Variants in DIAPH2 observed in about 807,000 individuals in gnomAD.
The protein encoded by DIAPH2 is diaphanous related formin 2.
In DIAPH2, 35 loss-of-function variants were observed where a neutral mutation model predicts 92.7. The ratio of observed to expected loss-of-function variants is 0.38; its 90% CI spans 0.29 to 0.50. The LOEUF is 0.50. Ranked by LOEUF, DIAPH2 falls within the 20% of genes least tolerant of loss-of-function variation. DIAPH2 has a pLI of 0.94. For synonymous variants in DIAPH2, 301 were observed against 280.4 expected, an observed-to-expected ratio of 1.07 and a Z score of -0.73; for missense variants, 701 against 819.5, an observed-to-expected ratio of 0.86 and a Z score of 1.77.
intron 26 of DIAPH2, among the ~76,000 whole-genome samples, chrX:97,450,341 A>G (rs763643658): frequency 8.9e-6 from 1 of 112,018 alleles, no homozygotes; most frequent in African/African-American, 3.2e-5. Flanking sequence ...ATAAATTACT[A>G]TGTATACAAT....
chrX:96,971,633 C>G (rs754354073), intron 17 of DIAPH2, among the ~76,000 whole-genome samples: 9 of 111,729 alleles, frequency 8.1e-5, no homozygotes, highest in Non-Finnish European at 1.1e-4. Flanking sequence ...TACAAAACCT[C>G]TCATGTATGT....
At chrX:96,769,107 G>GA (rs2064322146) in intron 4 of DIAPH2, among the ~76,000 whole-genome samples, 2 of 111,275 alleles carry the variant, frequency 1.8e-5, no homozygotes, top group African/African-American at 3.3e-5. Flanking sequence ...GGAACTAAAT[G>GA]GAGGATATAG....
intron 26 of DIAPH2, among the ~76,000 whole-genome samples, chrX:97,566,785 T>C (rs1313553252): frequency 9.0e-6 from 1 of 111,570 alleles, no homozygotes; most frequent in Non-Finnish European, 1.9e-5. Context: ...GGAGAAGCTG[T>C]AGAGAAACAG....
At chrX:97,504,275 C>T (rs1317016142) in intron 26 of DIAPH2, among the ~76,000 whole-genome samples, 3 of 111,635 alleles carry the variant, frequency 2.7e-5, no homozygotes, top group Non-Finnish European at 5.7e-5. Flanking sequence ...AATTGTTACC[C>T]TACTTGTCTT....
Position 96,732,380 on chromosome X carries a change from A to C in DIAPH2, c.133-3378A>C, listed in dbSNP as rs745858727. On this transcript the variant is annotated intron_variant, in intron 1 of 26. Coordinates refer to ENST00000324765, the MANE Select transcript of DIAPH2 (RefSeq NM_006729.5). The stretch of plus-strand genomic sequence containing the variant: ...AAATTCAGCCCTTCATATCTGCTTA[A>C]AGATTTTCCTTTTCGATAGACCATA... 5.3e-5 allele frequency among the ~76,000 whole-genome samples: 6 copies of C among 112,181 alleles called. No homozygotes were observed. In the South Asian group the frequency reaches 1.5e-3, roughly 28 times the overall value.
At chrX:97,170,267 T>C (rs2148100) in intron 22 of DIAPH2, among the ~76,000 whole-genome samples, 39,140 of 106,462 alleles carry the variant, frequency 0.37, 5,213 homozygotes, top group East Asian at 0.63. Context: ...GGATTGATTA[T>C]AGATAGAAAA....
intron 4 of DIAPH2, among the ~76,000 whole-genome samples, chrX:96,813,745 C>G (rs1221020164): frequency 2.7e-5 from 3 of 111,775 alleles, no homozygotes; most frequent in South Asian, 7.6e-4. Context: ...TCAGCATTTG[C>G]TTGTCTGTAA....
At chrX:96,930,693 A>T in intron 9 of DIAPH2, 40 bp from the exon 10 acceptor site, 1 of 1,002,816 alleles carries the variant, frequency 1.0e-6, no homozygotes, top group Non-Finnish European at 1.4e-6. Flanking sequence ...TCATTAATTT[A>T]ATGTGTTTTT....
rs949094922 is a variant in DIAPH2, at chrX:96,958,592, T to A, written c.1935+444T>A. Among the ~76,000 whole-genome samples, 7 of 111,932 alleles carry A rather than the reference T, an allele frequency of 6.3e-5. No homozygotes were observed. The Admixed American group carries it at 6.6e-4, about 11-fold the overall frequency. On this transcript the variant is annotated intron_variant, in intron 16 of 26. Coordinates refer to ENST00000324765, the MANE Select transcript of DIAPH2 (RefSeq NM_006729.5). The stretch of plus-strand genomic sequence containing the variant: ...TGTTTGTGTTGAGAACATTCAGATC[T>A]TCTCTTCTAGTTATTTTGAAATATA...
At chrX:97,244,033 A>G (rs2068119684) in intron 22 of DIAPH2, among the ~76,000 whole-genome samples, 1 of 111,900 alleles carries the variant, frequency 8.9e-6, no homozygotes, top group Non-Finnish European at 1.9e-5. Flanking sequence ...TTGTTTATGT[A>G]TATGAGATAA....
rs1461721801 is a variant in DIAPH2 at position 97,131,941 on chromosome X, G to C, written c.2590-9724G>C. On this transcript the variant is annotated intron_variant, in intron 21 of 26. Coordinates refer to ENST00000324765, the MANE Select transcript of DIAPH2 (RefSeq NM_006729.5). ...GCAATGCAGGCTAATGCACATGCAG[G>C]TCATTCTCCTTGGATAAGTGGGGCT... Among the ~76,000 whole-genome samples, 3 of 111,446 alleles carry C rather than the reference G, an allele frequency of 2.7e-5. No homozygotes were observed. In the East Asian group the frequency reaches 8.5e-4, roughly 32 times the overall value.
intron 23 of DIAPH2, among the ~76,000 whole-genome samples, chrX:97,298,091 ATAAC>A (rs1395605381): frequency 9.1e-6 from 1 of 109,691 alleles, no homozygotes; most frequent in East Asian, 2.9e-4. Context: ...AATCATATTT[ATAAC>A]TAATGCTGTA....
chrX:97,379,390 A>C (rs1014246975), intron 24 of DIAPH2, among the ~76,000 whole-genome samples: 10 of 112,360 alleles, frequency 8.9e-5, no homozygotes, highest in African/African-American at 3.2e-4. Context: ...TCTGTTATAC[A>C]TAATAATCAC....
At chrX:97,081,143 CT>C (rs1439941538) in intron 19 of DIAPH2, among the ~76,000 whole-genome samples, 1 of 111,995 alleles carries the variant, frequency 8.9e-6, no homozygotes, top group African/African-American at 3.2e-5. Context: ...TAAAACATTT[CT>C]TTCTTATTTC....
At chrX:97,514,444 C>T (rs1156850889) in intron 26 of DIAPH2, among the ~76,000 whole-genome samples, 1 of 112,909 alleles carries the variant, frequency 8.9e-6, no homozygotes, top group Non-Finnish European at 1.9e-5. Flanking sequence ...ACTTCTTTGC[C>T]TTTGGTTTGA....
At chrX:96,905,709 T>G (rs1489357886) in intron 5 of DIAPH2, among the ~76,000 whole-genome samples, 1 of 111,903 alleles carries the variant, frequency 8.9e-6, no homozygotes, top group Non-Finnish European at 1.9e-5. Flanking sequence ...TCTGTCAGGA[T>G]TATACATGAA....
intron 22 of DIAPH2, among the ~76,000 whole-genome samples, chrX:97,169,438 A>AT (rs980768362): frequency 8.9e-6 from 1 of 111,936 alleles, no homozygotes; most frequent in African/African-American, 3.2e-5. Flanking sequence ...GATAGTCTAT[A>AT]TGCAAGCAAG....
intron 1 of DIAPH2, among the ~76,000 whole-genome samples, chrX:96,686,926 A>G (rs1212995252): frequency 1.3e-4 from 15 of 111,744 alleles, no homozygotes; most frequent in Non-Finnish European, 2.8e-4. Context: ...GTGTGTGTAT[A>G]TGAGTGTAAA....
intron 4 of DIAPH2, among the ~76,000 whole-genome samples, chrX:96,874,341 A>G (rs1411990001): frequency 8.9e-6 from 1 of 111,987 alleles, no homozygotes; most frequent in Admixed American, 9.5e-5. Flanking sequence ...CTCAAATACC[A>G]TGGATAATGA....
Sources: gnomAD v4.1 joint callset for allele counts (sites outside exome capture counted in the v4.1 genomes callset) on GRCh38, gnomAD v4.1.1 for gene constraint, MANE v1.5 for transcripts, NCBI Gene and HGNC (gene_info 2026-07-23, HGNC 2026-07-21) for gene names.